The following HVCN1 variants were observed in gnomAD, a reference collection of about 807,000 sequenced individuals.
HVCN1 encodes the protein voltage-gated hydrogen channel 1.
A neutral mutation model predicts 29.2 loss-of-function variants in HVCN1; 14 were observed. The observed-to-expected ratio is 0.48, with a 90% CI of 0.32 to 0.75. The LOEUF (loss-of-function observed/expected upper bound fraction) is 0.75, where lower values mean the gene tolerates loss of function less well. Ranked by LOEUF, HVCN1 falls within the 30% of genes least tolerant of loss-of-function variation. The probability of loss-of-function intolerance (pLI) is 0.04; values close to 1 mark genes in which losing one functional copy is unlikely to be tolerated. For synonymous variants in HVCN1, 131 were observed against 133.2 expected (o/e 0.98, Z 0.11); for missense variants, 263 against 341.8 (o/e 0.77, Z 1.82).
intron 2 of HVCN1, among the ~76,000 whole-genome samples, chr12:110,697,649 CTT>C (rs570801385): frequency 6.7e-5 from 9 of 134,166 alleles, no homozygotes; most frequent in Admixed American, 7.5e-5. Context: ...CGCGAAGCAT[CTT>C]TTTTTTTTTT....
At chr12:110,652,362 G>C (rs1366071069) in intron 5 of HVCN1, among the ~76,000 whole-genome samples, 3 of 152,230 alleles carry the variant, frequency 2.0e-5, no homozygotes, top group Non-Finnish European at 4.4e-5. Flanking sequence ...CTGCACTCCA[G>C]CCTGGGTGAC....
chr12:110,693,127 C>T (rs908405070), upstream of HVCN1, among the ~76,000 whole-genome samples: 2 of 150,960 alleles, frequency 1.3e-5, no homozygotes, highest in African/African-American at 2.4e-5. Context: ...AATCCTCCGG[C>T]CTCAGCCTCC....
At chr12:110,689,634 G>A (rs2069355918), upstream of HVCN1, 3 of 152,454 alleles carry the variant, frequency 2.0e-5, no homozygotes, top group Non-Finnish European at 4.4e-5. The surrounding 1 kb of genome is among the most constrained non-coding windows in gnomAD (Gnocchi z 5.7). Context: ...AGCACGCTCT[G>A]ACGAATGAGC....
At chr12:110,691,548 C>T (rs948205468), upstream of HVCN1, among the ~76,000 whole-genome samples, 1 of 152,172 alleles carries the variant, frequency 6.6e-6, no homozygotes, top group Non-Finnish European at 1.5e-5. Context: ...GATGTGGGGA[C>T]TGCTCCCAAC....
chr12:110,693,413 G>A (rs908267183), upstream of HVCN1, among the ~76,000 whole-genome samples: 7 of 152,002 alleles, frequency 4.6e-5, no homozygotes, highest in East Asian at 1.9e-4. Context: ...GTGTGGTAGC[G>A]CATGCCTGTA....
Position 110,661,681 on chromosome 12 carries a change from G to C in HVCN1, c.22-233C>G, listed in dbSNP as rs2068178775. Among the ~76,000 whole-genome samples, 1 of 152,208 alleles carries C rather than the reference G, an allele frequency of 6.6e-6. No individual in the cohort carries two copies. The highest frequency in any genetic ancestry group is 2.4e-5 in the African/African-American group (1 of 41,464). On this transcript the variant is annotated intron_variant, in intron 3 of 7. Transcript: ENST00000242607. This position sits in a 1 kb window ranked among gnomAD's most constrained non-coding sequence, Gnocchi z 6.2. ...TGCCCCCAGCAGGCCTGTCACTGTG[G>C]TCTGGTTGGCAGTAACCAACGGAAT...
chr12:110,691,238 TATTTTTA>T (rs2069400637), upstream of HVCN1, among the ~76,000 whole-genome samples: 1 of 152,000 alleles, frequency 6.6e-6, no homozygotes, highest in Non-Finnish European at 1.5e-5. Flanking sequence ...AAATGTTTTG[TATTTTTA>T]GTAGAGACGG....
At position 110,661,145 on chromosome 12, in the gene HVCN1, G is replaced by A. The variant is rs200473999; in HGVS notation, c.306+19C>T. 14 of 1,574,878 alleles carry A rather than the reference G, an allele frequency of 8.9e-6. No individual in the cohort carries two copies. The highest frequency in any genetic ancestry group is 1.2e-5 in the South Asian group (1 of 84,616). On this transcript the variant is annotated intron_variant, in intron 4 of 7. Coordinates refer to ENST00000242607, the MANE Select transcript of HVCN1 (RefSeq NM_032369.4). The surrounding 1 kb of genome is among the most constrained non-coding windows in gnomAD (Gnocchi z 6.2). ...CTCTCCTGCCAGCTCTGGGTATCCC[G>A]GACTCCTGCCCCACCTACCTGAAAC...
intron 3 of HVCN1, among the ~76,000 whole-genome samples, chr12:110,663,320 T>C (rs756043533): frequency 1.1e-4 from 17 of 151,994 alleles, no homozygotes; most frequent in Non-Finnish European, 2.1e-4. Context: ...TTCACCTAGT[T>C]GGGCAGGTGT....
At position 110,683,002 on chromosome 12, in the gene HVCN1, A is replaced by G. The variant is rs1314292139; in HGVS notation, c.21+223T>C. ...ACAAAAAAAACCGCACATAGTTATTAACATACAGGGCTGGGATTCAAATGG... is the reference window on the plus strand; with the variant it reads ...ACAAAAAAAACCGCACATAGTTATTGACATACAGGGCTGGGATTCAAATGG... On this transcript the variant is annotated intron_variant, in intron 3 of 7. Transcript: ENST00000242607. The G allele has an allele frequency of 1.3e-5, 7 of 557,038 alleles. No individual in the cohort carries two copies. The East Asian group carries it at 2.3e-4, about 19-fold the overall frequency. The allele number at this position is 557,038 out of a possible 1,614,324, so 34.5% of individuals were successfully genotyped here. A position where few individuals can be genotyped will look rare whatever the true frequency, so the allele number is the denominator to read the frequency against.
At chr12:110,692,769 G>A (rs1404349601), upstream of HVCN1, among the ~76,000 whole-genome samples, 1 of 152,090 alleles carries the variant, frequency 6.6e-6, no homozygotes, top group Non-Finnish European at 1.5e-5. Context: ...TTAGGGAAGA[G>A]TAAGCTGAGG....
Position 110,661,552 on chromosome 12 carries a change from G to T in HVCN1, c.22-104C>A. 1.9e-6 allele frequency: 2 copies of T among 1,053,430 alleles called. No individual in the cohort carries two copies. Among genetic ancestry groups the T allele is most frequent in the African/African-American group, 1.6e-5 (1 of 63,314 alleles). The allele number at this position is 1,053,430 out of a possible 1,614,324, so 65.3% of individuals were successfully genotyped here. A position where few individuals can be genotyped will look rare whatever the true frequency, so the allele number is the denominator to read the frequency against. On this transcript the variant is annotated intron_variant, in intron 3 of 7. Coordinates refer to ENST00000242607, the MANE Select transcript of HVCN1 (RefSeq NM_032369.4). The surrounding 1 kb of genome is among the most constrained non-coding windows in gnomAD (Gnocchi z 6.2). ...ACTGCAGGTGAAGATGGTCCCGGGT[G>T]CGTAGAACCCCCTGCAAGCAGAGAC...
chr12:110,680,151 G>A (rs1302268817), intron 3 of HVCN1, among the ~76,000 whole-genome samples: 1 of 152,124 alleles, frequency 6.6e-6, no homozygotes, highest in Non-Finnish European at 1.5e-5. Flanking sequence ...AAACCAGTAA[G>A]AGGCTTATTT....
rs535741435 is a variant in HVCN1, at chr12:110,687,134, C to T, written c.-20+1491G>A. On this transcript the variant is annotated intron_variant, in intron 2 of 7. Coordinates refer to ENST00000242607, the MANE Select transcript of HVCN1 (RefSeq NM_032369.4). ...CTGAGCCATTCCTAGGTGCCAGGCA[C>T]TGATTTCCCAGGTTCTGGGAAATCC... Among the ~76,000 whole-genome samples the T allele has an allele frequency of 5.3e-5, 8 of 152,260 alleles. No homozygotes were observed. In the East Asian group the frequency reaches 1.5e-3, roughly 29 times the overall value.
rs1411194617 is a variant in HVCN1, at chr12:110,689,024, G to C, written c.-104+56C>G. 6.6e-6 allele frequency: 1 copy of C among 152,388 alleles called. No homozygotes were observed. The highest frequency in any genetic ancestry group is 1.5e-5 in the Non-Finnish European group (1 of 68,220). The allele number at this position is 152,388 out of a possible 1,614,324, so 9.4% of individuals were successfully genotyped here. A position where few individuals can be genotyped will look rare whatever the true frequency, so the allele number is the denominator to read the frequency against. On this transcript the variant is annotated intron_variant, in intron 1 of 7. Transcript: ENST00000242607. The surrounding 1 kb of genome is among the most constrained non-coding windows in gnomAD (Gnocchi z 5.7). ...GGAAGGATCGGGCACTGGGGGTCTTGTAGAAAGGGCTGCACGCCAAACGGG... is the reference window on the plus strand; with the variant it reads ...GGAAGGATCGGGCACTGGGGGTCTTCTAGAAAGGGCTGCACGCCAAACGGG...
chr12:110,650,984 C>T (rs1250015067), intron 6 of HVCN1, among the ~76,000 whole-genome samples: 2 of 152,066 alleles, frequency 1.3e-5, no homozygotes, highest in African/African-American at 4.8e-5. Flanking sequence ...ACAGGCATGA[C>T]CACTGCACCC....
intron 2 of HVCN1, 63 bp from the exon 3 acceptor site, chr12:110,683,327 C>T: frequency 1.3e-6 from 2 of 1,508,426 alleles, no homozygotes; most frequent in Non-Finnish European, 1.8e-6. Context: ...TTGGTATGTG[C>T]TCTGTAATCC....
chr12:110,661,641 G>C lies in HVCN1; in HGVS notation c.22-193C>G, dbSNP rs563990711. Among the ~76,000 whole-genome samples, 1 of 152,190 alleles carries C rather than the reference G, an allele frequency of 6.6e-6. No homozygotes were observed. Among genetic ancestry groups the C allele is most frequent in the Non-Finnish European group, 1.5e-5 (1 of 68,030 alleles). ...AATCCAGGGTCTCAGTGTCTATGAG[G>C]CAACAGGAAACTCCTGCCCCCAGCA... On this transcript the variant is annotated intron_variant, in intron 3 of 7. Transcript: ENST00000242607. The surrounding 1 kb of genome is among the most constrained non-coding windows in gnomAD (Gnocchi z 6.2).
chr12:110,649,441 C>T lies in HVCN1; in HGVS notation c.791G>A (p.Arg264Gln), dbSNP rs202004657. ...CACTTCACCAAGAAGTCCATGCTGT[C>T]GCAATAGTTTGTTAAGTCTTTCAAT... ...QEIERLNKLL[R>Q]QHGLLGEVN The change falls in exon 8 of 8, where the codon CGA (arginine) becomes CAA (glutamine). Residue 264 changes from arginine (R) to glutamine (Q), a missense_variant. Coordinates refer to ENST00000242607, the MANE Select transcript of HVCN1 (RefSeq NM_032369.4). 6.8e-6 allele frequency: 11 copies of T among 1,608,590 alleles called. No individual in the cohort carries two copies. The highest frequency in any genetic ancestry group is 5.3e-5 in the African/African-American group (4 of 74,948).
Sources: allele counts gnomAD v4.1 joint callset (sites outside exome capture counted in the v4.1 genomes callset), GRCh38; gene constraint gnomAD v4.1.1; non-coding constraint Gnocchi (gnomAD v3.1); transcripts MANE v1.5; gene names NCBI Gene and HGNC (gene_info 2026-07-23, HGNC 2026-07-21).